KAZN: variants seen among roughly 807,000 people sequenced by gnomAD.
KAZN encodes the protein kazrin.
Under a neutral mutation model 87.4 loss-of-function variants are expected in KAZN, and 40 were observed. That is an observed-to-expected ratio of 0.46 (90% CI 0.36 to 0.60). KAZN has a LOEUF of 0.60. KAZN is among the 20% of genes least tolerant of loss of function. The probability of loss-of-function intolerance (pLI) is 0.00; values close to 1 mark genes in which losing one functional copy is unlikely to be tolerated. For missense variants in KAZN, 898 were observed against 1,073.9 expected (o/e 0.84, Z 2.29); for synonymous variants, 466 against 458.3 (o/e 1.02, Z -0.22).
chr1:14,802,497 G>A (rs949923500), intron 1 of KAZN, among the ~76,000 whole-genome samples: 3 of 152,112 alleles, frequency 2.0e-5, no homozygotes. Flanking sequence ...ACTGGTATGG[G>A]GGGGTTACTA....
intron 2 of KAZN, among the ~76,000 whole-genome samples, chr1:14,406,554 G>C (rs979196072): frequency 9.2e-5 from 14 of 152,086 alleles, no homozygotes; most frequent in African/African-American, 3.4e-4. Flanking sequence ...AGGATGGGAG[G>C]GGGGTGAGGG....
In KAZN at chr1:14,923,777, G is replaced by T. The variant is rs1386050905; in HGVS notation, c.227-36907G>T. ...TCCTTCTGACCTCTCCCGGTCAGCT[G>T]TGGGGACCTCGGCTCTCGGCAAGGC... On this transcript the variant is annotated intron_variant, in intron 1 of 14. Coordinates refer to ENST00000376030, the MANE Select transcript of KAZN (RefSeq NM_201628.3). The surrounding 1 kb of genome is among the most constrained non-coding windows in gnomAD (Gnocchi z 4.2). Among the ~76,000 whole-genome samples, 1 of 152,250 alleles carries T rather than the reference G, an allele frequency of 6.6e-6. No homozygotes were observed. The highest frequency in any genetic ancestry group is 6.5e-5 in the Admixed American group (1 of 15,286).
rs1050666642 is a variant in KAZN at position 15,077,899 on chromosome 1, T to C, written c.1222+12146T>C. Among the ~76,000 whole-genome samples the C allele has an allele frequency of 5.3e-5, 8 of 152,154 alleles. No individual in the cohort carries two copies. Among genetic ancestry groups the C allele is most frequent in the African/African-American group, 1.9e-4 (8 of 41,418 alleles). ...GACTTGCTGACATTTACTAAGTGCC[T>C]ACTGTGCCAGGCATGGGGTAGGCAT... On this transcript the variant is annotated intron_variant, in intron 8 of 14. Transcript: ENST00000376030. The surrounding 1 kb of genome is among the most constrained non-coding windows in gnomAD (Gnocchi z 4.8).
intron 2 of KAZN, among the ~76,000 whole-genome samples, chr1:14,466,472 C>T (rs1668136381): frequency 6.6e-6 from 1 of 151,856 alleles, no homozygotes; most frequent in Non-Finnish European, 1.5e-5. Context: ...GGGAGGGGAA[C>T]AACACACACT....
intron 1 of KAZN, among the ~76,000 whole-genome samples, chr1:14,898,244 G>C (rs1199359491): frequency 6.6e-6 from 1 of 152,184 alleles, no homozygotes; most frequent in East Asian, 1.9e-4. Context: ...TTCATCTCTG[G>C]AAGAAAAGAC....
intron 2 of KAZN, among the ~76,000 whole-genome samples, chr1:14,405,499 G>A (rs529194795): frequency 1.3e-5 from 2 of 152,176 alleles, no homozygotes; most frequent in South Asian, 2.1e-4. Flanking sequence ...TAAACACTCT[G>A]GTTCTAGAGT....
chr1:15,023,922 G>C (rs1341561960), intron 2 of KAZN, among the ~76,000 whole-genome samples: 3 of 152,060 alleles, frequency 2.0e-5, no homozygotes, highest in African/African-American at 7.2e-5. Context: ...GGGTGGTCAA[G>C]GAAGATTCCA....
intron 3 of KAZN, among the ~76,000 whole-genome samples, chr1:15,039,418 C>T (rs1052424980): frequency 3.9e-5 from 6 of 152,070 alleles, no homozygotes; most frequent in African/African-American, 9.7e-5. Context: ...TTCAGAGGAA[C>T]GAAGGAATGA....
intron 2 of KAZN, among the ~76,000 whole-genome samples, chr1:14,455,465 A>G (rs1464726779): frequency 6.6e-6 from 1 of 152,190 alleles, no homozygotes; most frequent in East Asian, 1.9e-4. Context: ...TGCGTTTGTT[A>G]AATTGGGATA....
chr1:14,950,593 C>T (rs1042553265), intron 1 of KAZN, among the ~76,000 whole-genome samples: 46 of 152,246 alleles, frequency 3.0e-4, no homozygotes, highest in African/African-American at 1.0e-3. Context: ...AAGCTTAGGA[C>T]GCTGCGAGCT....
At chr1:14,363,343 T>C (rs1225147422) in intron 2 of KAZN, among the ~76,000 whole-genome samples, 3 of 152,162 alleles carry the variant, frequency 2.0e-5, no homozygotes, top group African/African-American at 7.2e-5. Context: ...GCCTAGTAGG[T>C]GCAGCCAGCC....
At chr1:14,388,538 A>T (rs112245134) in intron 2 of KAZN, among the ~76,000 whole-genome samples, 2 of 152,206 alleles carry the variant, frequency 1.3e-5, no homozygotes, top group African/African-American at 4.8e-5. Flanking sequence ...GAACCCAGAG[A>T]TAAATAGATA....
At chr1:14,162,515 C>T (rs1462822561) in intron 1 of KAZN, among the ~76,000 whole-genome samples, 2 of 151,628 alleles carry the variant, frequency 1.3e-5, no homozygotes, top group East Asian at 1.9e-4. Flanking sequence ...TTTATAGCTA[C>T]ACTCTTGGTT....
intron 2 of KAZN, among the ~76,000 whole-genome samples, chr1:14,438,374 A>G (rs940433675): frequency 2.2e-4 from 33 of 152,230 alleles, no homozygotes; most frequent in African/African-American, 5.8e-4. Flanking sequence ...GCAATAAGCA[A>G]GACATATGAC....
chr1:14,213,434 A>G (rs527853770), intron 2 of KAZN, among the ~76,000 whole-genome samples: 39 of 152,320 alleles, frequency 2.6e-4, no homozygotes, highest in African/African-American at 7.9e-4. Flanking sequence ...CACAGGCCTG[A>G]AGAGATGAAG....
intron 1 of KAZN, among the ~76,000 whole-genome samples, chr1:14,899,932 G>T (rs979996037): frequency 6.6e-6 from 1 of 152,188 alleles, no homozygotes; most frequent in Non-Finnish European, 1.5e-5. Flanking sequence ...GCATAATCCT[G>T]CTTCCTGCCC....
At chr1:14,991,861 A>G (rs958337680) in intron 2 of KAZN, among the ~76,000 whole-genome samples, 1 of 152,186 alleles carries the variant, frequency 6.6e-6, no homozygotes, top group Non-Finnish European at 1.5e-5. Context: ...CTGGAGAGAG[A>G]CAGAACATGA....
At chr1:15,093,389 A>G (rs1640644583) in intron 8 of KAZN, among the ~76,000 whole-genome samples, 1 of 151,992 alleles carries the variant, frequency 6.6e-6, no homozygotes, top group African/African-American at 2.4e-5. Context: ...GTATTTGTCA[A>G]AGTTAAGGAC....
intron 1 of KAZN, among the ~76,000 whole-genome samples, chr1:14,150,290 G>C (rs1429596690): frequency 6.6e-6 from 1 of 152,160 alleles, no homozygotes; most frequent in Non-Finnish European, 1.5e-5. Context: ...GCTTAAATGG[G>C]TGCCAACTAT....
Sources: gnomAD v4.1 joint callset for allele counts (sites outside exome capture counted in the v4.1 genomes callset) on GRCh38, gnomAD v4.1.1 for gene constraint, Gnocchi (gnomAD v3.1) non-coding constraint, MANE v1.5 for transcripts, NCBI Gene and HGNC (gene_info 2026-07-23, HGNC 2026-07-21) for gene names.